Variants in SAMD3 observed in about 807,000 individuals in gnomAD.
The protein encoded by SAMD3 is sterile alpha motif domain containing 3, also known as sterile alpha motif domain-containing protein 3.
A neutral mutation model predicts 58.5 loss-of-function variants in SAMD3; 63 were observed. The observed-to-expected ratio is 1.08, with a 90% CI of 0.88 to 1.33. The LOEUF (loss-of-function observed/expected upper bound fraction) is 1.33, where lower values mean the gene tolerates loss of function less well. Among genes scored for constraint, SAMD3 ranks in the 40% most tolerant of loss-of-function variants. The pLI is 0.00. For missense variants in SAMD3, 604 were observed against 608.4 expected (o/e 0.99, Z 0.08); for synonymous variants, 220 against 210.3 (o/e 1.05, Z -0.40).
At chr6:130,340,244 C>G (rs1055856818) in intron 1 of SAMD3, among the ~76,000 whole-genome samples, 5 of 152,190 alleles carry the variant, frequency 3.3e-5, no homozygotes, top group African/African-American at 1.2e-4. Context: ...GGGCTAAAAT[C>G]AAGGTATCCA....
chr6:130,160,171 C>A (rs1276420763), intron 8 of SAMD3: 1 of 152,142 alleles, frequency 6.6e-6, no homozygotes, highest in East Asian at 1.9e-4. Flanking sequence ...CTTCAAGACA[C>A]ACATACAAGA....
chr6:130,231,505 C>T (rs1350836243), intron 2 of SAMD3, among the ~76,000 whole-genome samples: 2 of 151,884 alleles, frequency 1.3e-5, no homozygotes, highest in Non-Finnish European at 2.9e-5. Context: ...CGGAGGTTGC[C>T]GTGAGCCAAG....
chr6:130,209,249 T>C (rs1268154002), intron 5 of SAMD3, among the ~76,000 whole-genome samples: 1 of 152,212 alleles, frequency 6.6e-6, no homozygotes, highest in African/African-American at 2.4e-5. Context: ...TCCTCTTTTT[T>C]CTTAAAAATG....
chr6:130,358,800 A>G (rs955985225), intron 1 of SAMD3, among the ~76,000 whole-genome samples: 13 of 152,066 alleles, frequency 8.5e-5, no homozygotes, highest in African/African-American at 3.1e-4. Context: ...AAGATTCTAC[A>G]AGTTATTTTC....
Position 130,257,123 on chromosome 6 carries a change from G to T in SAMD3, c.-187-34310C>A, listed in dbSNP as rs988254978. Among the ~76,000 whole-genome samples the T allele has an allele frequency of 5.3e-5, 8 of 152,018 alleles. No homozygotes were observed. The South Asian group carries it at 6.2e-4, about 12-fold the overall frequency. On this transcript the variant is annotated intron_variant, in intron 2 of 13. Coordinates refer to the SAMD3 transcript ENST00000368134. ...GTTGGGGTCCTAATCTGATAAGACT[G>T]TTGCCTTATAATAAGGGAAAGATCT...
Position 130,183,281 on chromosome 6 carries a change from G to T in SAMD3, c.654+822C>A, listed in dbSNP as rs1044731521. The T allele has an allele frequency of 2.6e-5, 11 of 427,648 alleles. 1 individual carries two copies. The highest frequency in any genetic ancestry group is 6.8e-4 in the Middle Eastern group (1 of 1,476). 26.5% of individuals were successfully genotyped at this position (427,648 alleles called of 1,614,324 possible). On this transcript the variant is annotated intron_variant, in intron 7 of 11. Coordinates refer to ENST00000439090, the MANE Select transcript of SAMD3 (RefSeq NM_001017373.4). ...GAACCCAGGAGGCGGAGGTTGCAGT[G>T]AGCTGAGATCGCGCCACTATACTCC...
At chr6:130,231,494 G>A (rs1406584019) in intron 2 of SAMD3, among the ~76,000 whole-genome samples, 2 of 152,262 alleles carry the variant, frequency 1.3e-5, no homozygotes, top group East Asian at 3.9e-4. Flanking sequence ...AACCTGGGAG[G>A]CGGAGGTTGC....
intron 1 of SAMD3, among the ~76,000 whole-genome samples, chr6:130,363,265 A>T (rs1191428395): frequency 6.6e-6 from 1 of 152,180 alleles, no homozygotes; most frequent in African/African-American, 2.4e-5. Context: ...GGCAAGAGGA[A>T]ATGAATATAA....
At chr6:130,293,377 T>C (rs911937688) in intron 2 of SAMD3, among the ~76,000 whole-genome samples, 1 of 152,170 alleles carries the variant, frequency 6.6e-6, no homozygotes, top group Non-Finnish European at 1.5e-5. Flanking sequence ...TGACCCACAA[T>C]GTATCACAAC....
At chr6:130,352,545 AAGTGCT>A in intron 1 of SAMD3, among the ~76,000 whole-genome samples, 1 of 152,286 alleles carries the variant, frequency 6.6e-6, no homozygotes, top group East Asian at 1.9e-4. Context: ...CCACACATCT[AAGTGCT>A]AATGCAAAGT....
At chr6:130,349,651 G>A (rs542384484) in intron 1 of SAMD3, among the ~76,000 whole-genome samples, 10 of 152,274 alleles carry the variant, frequency 6.6e-5, no homozygotes, top group East Asian at 1.9e-4. Context: ...ACAAGGAGGA[G>A]CTGGTACCAT....
At chr6:130,342,371 T>C (rs1392734630) in intron 1 of SAMD3, among the ~76,000 whole-genome samples, 2 of 152,178 alleles carry the variant, frequency 1.3e-5, no homozygotes, top group Non-Finnish European at 2.9e-5. Flanking sequence ...AAAATTAATG[T>C]GAAAATATAA....
At chr6:130,316,167 T>C (rs1583094252) in intron 1 of SAMD3, among the ~76,000 whole-genome samples, 1 of 151,674 alleles carries the variant, frequency 6.6e-6, no homozygotes, top group East Asian at 1.9e-4. Flanking sequence ...GGCAGTCGCC[T>C]GTAACCCCAG....
At chr6:130,242,479 G>A (rs1562476797) in intron 2 of SAMD3, among the ~76,000 whole-genome samples, 2 of 152,302 alleles carry the variant, frequency 1.3e-5, no homozygotes, top group South Asian at 4.1e-4. Context: ...ACACGATCAT[G>A]GATAAGTAAA....
intron 1 of SAMD3, among the ~76,000 whole-genome samples, chr6:130,328,039 A>G (rs920902779): frequency 1.3e-5 from 2 of 152,106 alleles, no homozygotes; most frequent in Non-Finnish European, 2.9e-5. Context: ...TTCTACCCCT[A>G]CCTGTAGCTG....
At chr6:130,332,975 A>G (rs1204860710) in intron 1 of SAMD3, among the ~76,000 whole-genome samples, 1 of 152,056 alleles carries the variant, frequency 6.6e-6, no homozygotes, top group African/African-American at 2.4e-5. Flanking sequence ...TGGTAGATTT[A>G]GTGATTAGAA....
intron 7 of SAMD3, among the ~76,000 whole-genome samples, chr6:130,180,741 C>T (rs970938919): frequency 1.3e-5 from 2 of 152,022 alleles, no homozygotes; most frequent in Non-Finnish European, 2.9e-5. Flanking sequence ...GGACAGAGTG[C>T]TACTCACACC....
intron 1 of SAMD3, among the ~76,000 whole-genome samples, chr6:130,318,368 A>G (rs6928644): frequency 0.43 from 64,659 of 152,104 alleles, 15,364 homozygotes; most frequent in African/African-American, 0.64. Flanking sequence ...GAAATAAAAT[A>G]CATATGCAGC....
intron 1 of SAMD3, among the ~76,000 whole-genome samples, chr6:130,344,816 C>A (rs1205338001): frequency 3.3e-5 from 1 of 30,704 alleles, no homozygotes; most frequent in Admixed American, 5.4e-4. Flanking sequence ...GCAGAAAGAA[C>A]AACAACAGCA....
Sources: gnomAD v4.1 joint callset for allele counts (sites outside exome capture counted in the v4.1 genomes callset) on GRCh38, gnomAD v4.1.1 for gene constraint, MANE v1.5 for transcripts, NCBI Gene and HGNC (gene_info 2026-07-23, HGNC 2026-07-21) for gene names.